The following COPS3 variants were observed in gnomAD, a reference collection of about 807,000 sequenced individuals.
The protein encoded by COPS3 is COP9 signalosome subunit 3, also known as COP9 signalosome complex subunit 3.
A neutral mutation model predicts 58.2 loss-of-function variants in COPS3; 10 were observed. The ratio of observed to expected loss-of-function variants is 0.17; its 90% CI spans 0.11 to 0.29. COPS3 has a LOEUF of 0.29. Among genes scored for constraint, COPS3 ranks in the 10% least tolerant of loss-of-function variants. The pLI, the probability that COPS3 is intolerant of heterozygous loss-of-function variation, is 1.00. For missense variants in COPS3, 333 were observed against 510.1 expected (o/e 0.65, Z 3.34); for synonymous variants, 187 against 181.7 (o/e 1.03, Z -0.24).
intron 8 of COPS3, 145 bp from the exon 9 acceptor site, chr17:17,255,090 A>G: frequency 1.8e-6 from 1 of 553,844 alleles, no homozygotes; most frequent in Non-Finnish European, 3.2e-6. Flanking sequence ...TCATGAGGCC[A>G]GGAGATTGAG....
intron 8 of COPS3, 45 bp from the exon 9 acceptor site, chr17:17,254,990 G>A: frequency 7.3e-7 from 1 of 1,375,440 alleles, no homozygotes; most frequent in Non-Finnish European, 1.0e-6. Flanking sequence ...AACAACGAAG[G>A]AAGGACATTT....
intron 8 of COPS3, among the ~76,000 whole-genome samples, chr17:17,258,809 C>A (rs1032413725): frequency 6.6e-6 from 1 of 152,250 alleles, no homozygotes; most frequent in East Asian, 1.9e-4. Context: ...TGGTTTTGAT[C>A]TTTGACTTGA....
rs1239466443 is a variant in COPS3 at position 17,264,891 on chromosome 17, C to T, written c.532G>A (p.Ala178Thr). The T allele has an allele frequency of 3.1e-6, 5 of 1,613,634 alleles. No homozygotes were observed. In the South Asian group the frequency reaches 5.5e-5, roughly 18 times the overall value. ...DICKENGAYD[A>T]KHFLCYYYYG... ...TAATAGTAACATAAAAAGTGTTTTG[C>T]ATCATAGGCTCCATTCTCTTTACAG... The change falls in exon 6 of 12, where the codon GCA becomes ACA. Residue 178 changes from alanine (A) to threonine (T), a missense_variant. By Grantham distance (58) the Ala-to-Thr change is moderately conservative. Coordinates refer to ENST00000268717, the MANE Select transcript of COPS3 (RefSeq NM_003653.4).
intron 10 of COPS3, among the ~76,000 whole-genome samples, chr17:17,248,168 C>G (rs1338715114): frequency 6.6e-6 from 1 of 152,170 alleles, no homozygotes; most frequent in African/African-American, 2.4e-5. Flanking sequence ...GACATTTCAG[C>G]AAAAACATAA....
chr17:17,278,254 G>A (rs76855026), intron 1 of COPS3, among the ~76,000 whole-genome samples: 3,591 of 152,170 alleles, frequency 0.024, 135 homozygotes, highest in African/African-American at 0.081. Flanking sequence ...TGTCTTTCTG[G>A]TAACAGTGAG....
intron 2 of COPS3, among the ~76,000 whole-genome samples, chr17:17,274,550 G>A (rs891369995): frequency 5.3e-5 from 8 of 151,180 alleles, no homozygotes; most frequent in Admixed American, 2.0e-4. Flanking sequence ...TCAGCCTCCC[G>A]AGTAGCTGGG....
intron 6 of COPS3, 120 bp from the exon 7 acceptor site, chr17:17,262,226 A>T: frequency 1.1e-6 from 1 of 912,154 alleles, no homozygotes; most frequent in South Asian, 1.8e-5. Context: ...CATTATTTTT[A>T]TAACAGCCTT....
At chr17:17,276,336 G>A (rs1337463940) in intron 1 of COPS3, among the ~76,000 whole-genome samples, 172 bp from the exon 2 acceptor site, 1 of 152,084 alleles carries the variant, frequency 6.6e-6, no homozygotes, top group Non-Finnish European at 1.5e-5. Context: ...ACCTGTCCGT[G>A]GTCTCAAAAC....
At chr17:17,262,957 G>A (rs941088677) in intron 6 of COPS3, among the ~76,000 whole-genome samples, 2 of 149,820 alleles carry the variant, frequency 1.3e-5, no homozygotes, top group Non-Finnish European at 3.0e-5. Flanking sequence ...GTGCAGTGGC[G>A]CAATCCCGGC....
chr17:17,279,941 C>G (rs6502570), intron 1 of COPS3, among the ~76,000 whole-genome samples: 1 of 152,048 alleles, frequency 6.6e-6, no homozygotes, highest in Non-Finnish European at 1.5e-5. Flanking sequence ...CTGGAAAGTG[C>G]GAGTAAAATC....
intron 4 of COPS3, among the ~76,000 whole-genome samples, chr17:17,268,607 T>A (rs960409421): frequency 2.6e-5 from 4 of 152,042 alleles, no homozygotes; most frequent in Admixed American, 2.0e-4. Flanking sequence ...GATCATGAGG[T>A]CAGGAGATCA....
At chr17:17,249,991 T>C (rs2047806636) in intron 9 of COPS3, among the ~76,000 whole-genome samples, 2 of 152,158 alleles carry the variant, frequency 1.3e-5, no homozygotes, top group Admixed American at 1.3e-4. Context: ...GCCACCACCA[T>C]CTCTATCTAG....
At chr17:17,275,695 G>C (rs1441650647) in intron 2 of COPS3, among the ~76,000 whole-genome samples, 2 of 152,146 alleles carry the variant, frequency 1.3e-5, no homozygotes, top group East Asian at 3.9e-4. Flanking sequence ...TGTAATCCCA[G>C]CATTTTGGGA....
intron 7 of COPS3, 49 bp downstream of exon 7, chr17:17,261,917 T>C (rs375456935): frequency 8.7e-6 from 13 of 1,497,636 alleles, no homozygotes; most frequent in African/African-American, 1.4e-5. Flanking sequence ...AATTTCTTTA[T>C]ATACTCAACA....
intron 8 of COPS3, among the ~76,000 whole-genome samples, chr17:17,258,611 G>A (rs1469553119): frequency 6.6e-6 from 1 of 152,060 alleles, no homozygotes; most frequent in African/African-American, 2.4e-5. Context: ...TGTTTTTAAT[G>A]GCAGCTGTTT....
intron 8 of COPS3, among the ~76,000 whole-genome samples, chr17:17,256,828 G>A (rs868776144): frequency 1.3e-5 from 2 of 152,032 alleles, no homozygotes; most frequent in Admixed American, 6.6e-5. Context: ...TGGTTTCAAC[G>A]TATCTTCCTG....
chr17:17,247,427 C>T, intron 11 of COPS3, 53 bp downstream of exon 11: 8 of 1,512,722 alleles, frequency 5.3e-6, no homozygotes, highest in Non-Finnish European at 7.3e-6. Context: ...GATGTGACAA[C>T]ACCCCTCCTT....
chr17:17,256,536 T>C (rs955855621), intron 8 of COPS3, among the ~76,000 whole-genome samples: 1 of 152,136 alleles, frequency 6.6e-6, no homozygotes, highest in Non-Finnish European at 1.5e-5. Context: ...CTATTCTTAA[T>C]GGCAGCTGGT....
Position 17,259,310 on chromosome 17 carries a change from T to C in COPS3, c.936+991A>G, listed in dbSNP as rs545282345. ...CCAAGAGAAAAAAGCAATCCTCTATTTGTTGAGCTACAGGATTCCTGTAAC... is the reference window on the plus strand; with the variant it reads ...CCAAGAGAAAAAAGCAATCCTCTATCTGTTGAGCTACAGGATTCCTGTAAC... On this transcript the variant is annotated intron_variant, in intron 8 of 11. Transcript: ENST00000268717. Among the ~76,000 whole-genome samples the C allele has an allele frequency of 1.1e-4, 17 of 152,254 alleles. No individual in the cohort carries two copies. The East Asian group carries it at 2.9e-3, about 26-fold the overall frequency.
Sources: gnomAD v4.1 joint callset for allele counts (sites outside exome capture counted in the v4.1 genomes callset) on GRCh38, gnomAD v4.1.1 for gene constraint, MANE v1.5 for transcripts, NCBI Gene and HGNC (gene_info 2026-07-23, HGNC 2026-07-21) for gene names.